Variants in RNF38 observed in about 807,000 individuals in gnomAD.
RNF38 encodes E3 ubiquitin-protein ligase RNF38.
In RNF38, 15 loss-of-function variants were observed where a neutral mutation model predicts 67.2. That is an observed-to-expected ratio of 0.22 (90% confidence interval 0.15 to 0.34). The LOEUF is 0.34. Among genes scored for constraint, RNF38 ranks in the 10% least tolerant of loss-of-function variants. The probability of loss-of-function intolerance (pLI) is 1.00; values close to 1 mark genes in which losing one functional copy is unlikely to be tolerated. For synonymous variants in RNF38, 220 were observed against 218.8 expected, an observed-to-expected ratio of 1.01 and a Z score of -0.05; for missense variants, 524 against 639.9, an observed-to-expected ratio of 0.82 and a Z score of 1.95.
At chr9:36,409,287 AAAAG>A (rs1284845339) in intron 2 of RNF38, among the ~76,000 whole-genome samples, 2 of 151,746 alleles carry the variant, frequency 1.3e-5, no homozygotes, top group East Asian at 1.9e-4. Context: ...AGAAAGAAAG[AAAAG>A]AAAGAGAGAG....
chr9:36,456,350 G>T (rs1587171001), intron 1 of RNF38, among the ~76,000 whole-genome samples: 1 of 152,142 alleles, frequency 6.6e-6, no homozygotes, highest in Non-Finnish European at 1.5e-5. Context: ...AGCCACAGTA[G>T]CTGGTCTCAA....
intron 1 of RNF38, among the ~76,000 whole-genome samples, chr9:36,436,299 A>G (rs983368436): frequency 5.3e-5 from 8 of 152,228 alleles, no homozygotes; most frequent in East Asian, 1.9e-4. Context: ...AATGATCTCA[A>G]TGGGAAAGCT....
intron 1 of RNF38, among the ~76,000 whole-genome samples, chr9:36,442,578 G>A (rs553591409): frequency 6.6e-6 from 1 of 152,266 alleles, no homozygotes; most frequent in South Asian, 2.1e-4. Context: ...TCAGGAGATC[G>A]AGACCATCCA....
In RNF38 at chr9:36,336,664, A is replaced by C. The variant is rs1177679440; in HGVS notation, c.*3088T>G. On this transcript the variant is annotated 3_prime_UTR_variant, in exon 12 of 12. Transcript: ENST00000259605. Reference sequence around the variant, plus strand: ...ATGACTCAGCAAATGATTCCAAAAAACACCCCTGTGAGCTTTCACAATCTG... The same window carrying C: ...ATGACTCAGCAAATGATTCCAAAAACCACCCCTGTGAGCTTTCACAATCTG... 6.6e-6 allele frequency: 1 copy of C among 152,606 alleles called. No homozygotes were observed. The highest frequency in any genetic ancestry group is 1.5e-5 in the Non-Finnish European group (1 of 68,038). The allele number at this position is 152,606 out of a possible 1,614,324, so 9.5% of individuals were successfully genotyped here. A position where few individuals can be genotyped will look rare whatever the true frequency, so the allele number is the denominator to read the frequency against.
At chr9:36,418,888 T>C (rs914892855) in intron 2 of RNF38, among the ~76,000 whole-genome samples, 2 of 151,830 alleles carry the variant, frequency 1.3e-5, no homozygotes, top group Non-Finnish European at 2.9e-5. Flanking sequence ...GCTTGAACCC[T>C]GGCAGTGGAG....
chr9:36,394,726 G>T (rs1275855776), intron 1 of RNF38, among the ~76,000 whole-genome samples: 1 of 152,000 alleles, frequency 6.6e-6, no homozygotes, highest in Non-Finnish European at 1.5e-5. Context: ...GAATTCTAAG[G>T]TTCATACTCA....
chr9:36,398,028 A>T (rs1157188034), intron 1 of RNF38, among the ~76,000 whole-genome samples: 1 of 152,224 alleles, frequency 6.6e-6, no homozygotes, highest in East Asian at 1.9e-4. Flanking sequence ...TGTGGGTTTT[A>T]CAATAGTTGG....
At chr9:36,451,917 A>T (rs7044738) in intron 1 of RNF38, among the ~76,000 whole-genome samples, 149,666 of 151,276 alleles carry the variant, frequency 0.99, 74,041 homozygotes, top group Middle Eastern at 1. Flanking sequence ...AAACTTTTTT[A>T]AAAAAAAAAC....
chr9:36,352,727 TAAGA>T lies in RNF38; in HGVS notation c.1178+11_1178+14del. 1 of 1,554,784 alleles carries T rather than the reference TAAGA, an allele frequency of 6.4e-7. No individual in the cohort carries two copies. The highest frequency in any genetic ancestry group is 8.9e-7 in the Non-Finnish European group (1 of 1,126,160). On this transcript the variant is annotated intron_variant, in intron 8 of 11. Transcript: ENST00000259605. ...TTTCAAAATTCAGAAATCATTAAGA[TAAGA>T]AAGAACTTACAACACATATGGCAGT...
At position 36,408,266 on chromosome 9, in the gene RNF38, A is replaced by ATT. The variant is rs35564069; in HGVS notation, n.312+16345_312+16346dup. ...GGCATACACCACCACAACAGACTTA[A>ATT]TTTTTTTTTTTTTTTTTTGTAGAGA... On this transcript the variant is annotated intron_variant and non_coding_transcript_variant, in intron 2 of 3. Coordinates refer to the RNF38 transcript ENST00000488058. Among the ~76,000 whole-genome samples the ATT allele has an allele frequency of 1.1e-3, 143 of 134,714 alleles. 1 individual carries two copies. Among genetic ancestry groups the ATT allele is most frequent in the South Asian group, 1.5e-3 (6 of 4,128 alleles). 88.4% of individuals were successfully genotyped at this position (134,714 alleles called of 152,430 possible).
intron 1 of RNF38, among the ~76,000 whole-genome samples, chr9:36,464,009 T>TA (rs1839799658): frequency 6.6e-6 from 1 of 151,008 alleles, no homozygotes; most frequent in Non-Finnish European, 1.5e-5. Flanking sequence ...CTACTAAAAA[T>TA]ACAAAAAATT....
Position 36,416,297 on chromosome 9 carries a change from GATC to G in RNF38, n.312+8313_312+8315del, listed in dbSNP as rs1838467274. Among the ~76,000 whole-genome samples the G allele has an allele frequency of 3.3e-5, 5 of 152,062 alleles. No homozygotes were observed. The South Asian group carries it at 1.0e-3, about 32-fold the overall frequency. ...ATGGTTGCCTCTGCTGCTTCAAACA[GATC>G]ACCAGGGAGTTGGGGGCAAGCTGGC... On this transcript the variant is annotated intron_variant and non_coding_transcript_variant, in intron 2 of 3. Coordinates refer to the RNF38 transcript ENST00000488058.
At chr9:36,356,013 A>AGG (rs1834076500) in intron 6 of RNF38, among the ~76,000 whole-genome samples, 1 of 152,084 alleles carries the variant, frequency 6.6e-6, no homozygotes, top group Middle Eastern at 3.4e-3. Flanking sequence ...TGCCCGGCTA[A>AGG]TTTTTGTACT....
At chr9:36,425,012 C>T (rs1232030100) in intron 1 of RNF38, among the ~76,000 whole-genome samples, 1 of 152,200 alleles carries the variant, frequency 6.6e-6, no homozygotes, top group East Asian at 1.9e-4. Flanking sequence ...AAGGCAAACT[C>T]TTATTTATGA....
chr9:36,409,188 G>A (rs1838254810), intron 2 of RNF38, among the ~76,000 whole-genome samples: 1 of 148,660 alleles, frequency 6.7e-6, no homozygotes, highest in Admixed American at 6.9e-5. Flanking sequence ...CTGTCTCCAA[G>A]AAAGAAAGAG....
intron 1 of RNF38, 58 bp downstream of exon 1, chr9:36,400,039 C>T (rs921107404): frequency 2.0e-6 from 3 of 1,512,956 alleles, no homozygotes; most frequent in Non-Finnish European, 2.7e-6. Context: ...TTAGCATACC[C>T]AACTTTTACT....
At chr9:36,355,137 A>C (rs914468641) in intron 6 of RNF38, among the ~76,000 whole-genome samples, 1 of 152,222 alleles carries the variant, frequency 6.6e-6, no homozygotes, top group African/African-American at 2.4e-5. Context: ...AACTTGCGTC[A>C]TAATTGCTTC....
intron 2 of RNF38, among the ~76,000 whole-genome samples, chr9:36,381,220 A>C (rs1016173636): frequency 1.3e-5 from 2 of 152,242 alleles, no homozygotes; most frequent in African/African-American, 2.4e-5. Flanking sequence ...GTCTCTTTAC[A>C]TGAGTAAATA....
chr9:36,487,254 C>A, intron 1 of RNF38: 1 of 973,024 alleles, frequency 1.0e-6, no homozygotes. Flanking sequence ...CCGGCCCCCA[C>A]CCGCGGGACC....
Sources: gnomAD v4.1 joint callset for allele counts (sites outside exome capture counted in the v4.1 genomes callset) on GRCh38, gnomAD v4.1.1 for gene constraint, MANE v1.5 for transcripts, NCBI Gene and HGNC (gene_info 2026-07-23, HGNC 2026-07-21) for gene names.